TEX46: variants seen among roughly 807,000 people sequenced by gnomAD.
TEX46 encodes the protein testis expressed 46, also known as testis-expressed protein 46.
TEX46 carries 6 observed loss-of-function variants against 5.3 expected under a neutral mutation model. That is an observed-to-expected ratio of 1.13 (90% confidence interval 0.62 to 2.23). The LOEUF is 2.23. Among genes scored for constraint, TEX46 ranks in the 30% most tolerant of loss-of-function variants. The pLI is 0.00. For synonymous variants in TEX46, 41 were observed against 54.6 expected, an observed-to-expected ratio of 0.75 and a Z score of 1.10; for missense variants, 131 against 150.9, an observed-to-expected ratio of 0.87 and a Z score of 0.69.
intron 2 of TEX46, among the ~76,000 whole-genome samples, chr1:23,012,247 G>A (rs1641361084): frequency 6.6e-6 from 1 of 151,966 alleles, no homozygotes; most frequent in African/African-American, 2.4e-5. Flanking sequence ...GGAGGCTGAG[G>A]TGGAAGGATC....
intron 1 of TEX46, among the ~76,000 whole-genome samples, chr1:23,015,188 G>T (rs1018393195): frequency 2.0e-5 from 3 of 148,564 alleles, no homozygotes; most frequent in African/African-American, 7.4e-5. Flanking sequence ...GGTGGCTCAC[G>T]CCTGTAATCC....
At chr1:23,011,814 T>A (rs916292301) in intron 2 of TEX46, among the ~76,000 whole-genome samples, 1 of 152,190 alleles carries the variant, frequency 6.6e-6, no homozygotes, top group Non-Finnish European at 1.5e-5. Flanking sequence ...GATGGCCCGC[T>A]AATCTGCCAG....
At position 23,013,875 on chromosome 1, in the gene TEX46, G is replaced by A. The variant is rs488995; in HGVS notation, c.165+8C>T. The A allele has an allele frequency of 2.4e-3, 3,697 of 1,535,504 alleles. 95 individuals are homozygous for A. In the African/African-American group the frequency reaches 0.044, roughly 18 times the overall value. On this transcript the variant is annotated splice_region_variant and intron_variant, in intron 2 of 2. Coordinates refer to ENST00000566855, the MANE Select transcript of TEX46 (RefSeq NM_001242521.2). ...CTGAGCTGAAGCCAAGCCCCATCTT[G>A]TGCTCACCTGCTGGGGCTCTGGGAG...
At position 23,010,959 on chromosome 1, in the gene TEX46, C is replaced by A; in HGVS notation, c.308G>T (p.Arg103Met). ...RNFPMKKHRM[R>M]RHESICPTLS... ...GGTGGGGCAAATTGACTCATGCCTC[C>A]TCATTCTGTGTTTTTTCATGGGAAA... The change falls in exon 3 of 3, where the codon AGG becomes ATG. Residue 103 changes from arginine (R) to methionine (M), a missense_variant. Coordinates refer to ENST00000566855, the MANE Select transcript of TEX46 (RefSeq NM_001242521.2). The A allele has an allele frequency of 6.5e-7, 1 of 1,535,688 alleles. No individual in the cohort carries two copies. Among genetic ancestry groups the A allele is most frequent in the Non-Finnish European group, 8.7e-7 (1 of 1,146,526 alleles).
At chr1:23,011,168 G>T in intron 2 of TEX46, 67 bp from the exon 3 acceptor site, 2 of 1,299,366 alleles carry the variant, frequency 1.5e-6, no homozygotes, top group Non-Finnish European at 2.1e-6. Flanking sequence ...TGTTCTTGGA[G>T]TCGTTTTCAG....
At chr1:23,013,686 G>A (rs1017388385) in intron 2 of TEX46, among the ~76,000 whole-genome samples, 197 bp downstream of exon 2, 1 of 152,098 alleles carries the variant, frequency 6.6e-6, no homozygotes, top group African/African-American at 2.4e-5. Flanking sequence ...GCTGAGGTGA[G>A]GCAACTGAGG....
intron 1 of TEX46, among the ~76,000 whole-genome samples, chr1:23,014,325 A>C (rs1280003620): frequency 6.6e-6 from 1 of 152,166 alleles, no homozygotes; most frequent in Non-Finnish European, 1.5e-5. Flanking sequence ...TTCATTCACC[A>C]GTACTTCTGG....
intron 2 of TEX46, 137 bp from the exon 3 acceptor site, chr1:23,011,238 G>T: frequency 1.6e-6 from 1 of 634,708 alleles, no homozygotes; most frequent in Non-Finnish European, 2.7e-6. Context: ...GGGGAAAGTT[G>T]GTTAATAATG....
chr1:23,014,124 T>C (rs1641387637), intron 1 of TEX46, 79 bp from the exon 2 acceptor site: 19 of 1,468,938 alleles, frequency 1.3e-5, no homozygotes, highest in Admixed American at 2.3e-5. Flanking sequence ...GGCCCCTCCA[T>C]GACAAGAGTC....
chr1:23,015,804 G>A lies in TEX46; in HGVS notation c.-31C>T, dbSNP rs1641411879. The stretch of plus-strand genomic sequence containing the variant: ...ATCTACAATAGTCAAATTCATAGAG[G>A]CAAAGAGTAGAATGGTGGCTGCCAG... On this transcript the variant is annotated 5_prime_UTR_variant, in exon 1 of 3. Transcript: ENST00000566855. 1 of 698,818 alleles carries A rather than the reference G, an allele frequency of 1.4e-6. No individual in the cohort carries two copies. Among genetic ancestry groups the A allele is most frequent in the East Asian group, 2.7e-5 (1 of 37,244 alleles). The allele number at this position is 698,818 out of a possible 1,614,324, so 43.3% of individuals were successfully genotyped here.
At chr1:23,015,400 C>CA (rs1448486930) in intron 1 of TEX46, among the ~76,000 whole-genome samples, 1 of 133,330 alleles carries the variant, frequency 7.5e-6, no homozygotes, top group Non-Finnish European at 1.5e-5. Context: ...CGCGCCACTG[C>CA]ACTCCAGCCT....
chr1:23,015,706 G>C (rs978415210), intron 1 of TEX46, 66 bp downstream of exon 1: 11 of 682,692 alleles, frequency 1.6e-5, no homozygotes. Context: ...TGAACCTTGA[G>C]GACATTAAGC....
intron 2 of TEX46, among the ~76,000 whole-genome samples, chr1:23,013,398 C>G (rs538437205): frequency 5.3e-5 from 8 of 151,778 alleles, no homozygotes; most frequent in African/African-American, 1.7e-4. Flanking sequence ...ATCTTGAACT[C>G]CTGACTTCAA....
At chr1:23,011,349 T>A in intron 2 of TEX46, 1 of 435,318 alleles carries the variant, frequency 2.3e-6, no homozygotes, top group Admixed American at 3.7e-5. Context: ...CATCATTGCC[T>A]CATTTTGTGG....
At chr1:23,012,509 C>T (rs1365388404) in intron 2 of TEX46, among the ~76,000 whole-genome samples, 2 of 152,206 alleles carry the variant, frequency 1.3e-5, no homozygotes, top group East Asian at 1.9e-4. Context: ...ACACCCACAG[C>T]ATCCTCCTCC....
chr1:23,014,382 C>T (rs150879310), intron 1 of TEX46, among the ~76,000 whole-genome samples: 1 of 152,108 alleles, frequency 6.6e-6, no homozygotes, highest in Non-Finnish European at 1.5e-5. Context: ...CCCCTACCAT[C>T]ATAGGGGCAA....
In TEX46 at chr1:23,010,908, G is replaced by A. The variant is rs901502386; in HGVS notation, c.359C>T (p.Pro120Leu). Residue 120 changes from proline to leucine, a missense_variant, in exon 3 of 3, where the codon CCC becomes CTC. Coordinates refer to ENST00000566855, the MANE Select transcript of TEX46 (RefSeq NM_001242521.2). ...CAGCCCGCCTCGGCCTCATTAGCTG[G>A]GGGAACTCGAAGTACAGTCAGACAG... ...PTLSDCTSSS[P>L]S 3.3e-6 allele frequency: 5 copies of A among 1,526,652 alleles called. No individual in the cohort carries two copies. In the Admixed American group the frequency reaches 9.8e-5, roughly 30 times the overall value. The allele number at this position is 1,526,652 out of a possible 1,614,324, so 94.6% of individuals were successfully genotyped here.
chr1:23,012,869 CTTTTTTTTTTTT>C (rs58815269), intron 2 of TEX46, among the ~76,000 whole-genome samples: 2 of 103,052 alleles, frequency 1.9e-5, no homozygotes, highest in African/African-American at 3.7e-5. Flanking sequence ...ATTGTTTTGC[CTTTTTTTTTTTT>C]TTTTTTTTGA....
At chr1:23,014,557 T>A (rs1273963481) in intron 1 of TEX46, among the ~76,000 whole-genome samples, 2 of 151,900 alleles carry the variant, frequency 1.3e-5, no homozygotes, top group Non-Finnish European at 2.9e-5. Context: ...TTTATTATTA[T>A]TTTATTTTAT....
Sources: allele counts gnomAD v4.1 joint callset (sites outside exome capture counted in the v4.1 genomes callset), GRCh38; gene constraint gnomAD v4.1.1; transcripts MANE v1.5; gene names NCBI Gene and HGNC (gene_info 2026-07-23, HGNC 2026-07-21).